CSMD2: variants seen among roughly 807,000 people sequenced by gnomAD.
The protein encoded by CSMD2 is CUB and sushi domain-containing protein 2.
CSMD2 carries 130 observed loss-of-function variants against 398.5 expected under a neutral mutation model. That is an observed-to-expected ratio of 0.33 (90% CI 0.28 to 0.38). The LOEUF is 0.38. CSMD2 is among the 10% of genes least tolerant of loss of function. The pLI is 1.00. For synonymous variants in CSMD2, 1,828 were observed against 1,908.5 expected, an observed-to-expected ratio of 0.96 and a Z score of 1.10; for missense variants, 3,829 against 4,764.9, an observed-to-expected ratio of 0.80 and a Z score of 5.78.
intron 1 of CSMD2, among the ~76,000 whole-genome samples, chr1:34,150,985 G>C (rs547742113): frequency 6.6e-6 from 1 of 152,150 alleles, no homozygotes; most frequent in Non-Finnish European, 1.5e-5. Flanking sequence ...CTGATAAAGG[G>C]GGGGCGGGGG....
chr1:33,998,898 T>C (rs1390298816), intron 3 of CSMD2, among the ~76,000 whole-genome samples: 1 of 152,206 alleles, frequency 6.6e-6, no homozygotes, highest in African/African-American at 2.4e-5. Context: ...AGTTGATGTG[T>C]GGATGCCCCC....
At chr1:34,084,733 G>C (rs1657659038) in intron 2 of CSMD2, among the ~76,000 whole-genome samples, 1 of 151,942 alleles carries the variant, frequency 6.6e-6, no homozygotes, top group Admixed American at 6.6e-5. Flanking sequence ...GGAAACAACA[G>C]GTGCTGGAGA....
chr1:33,678,294 A>C (rs2149053688), intron 25 of CSMD2, among the ~76,000 whole-genome samples: 1 of 122,050 alleles, frequency 8.2e-6, no homozygotes, highest in East Asian at 2.3e-4. Flanking sequence ...AGCCAAATAA[A>C]CCTCTTTTCT....
intron 13 of CSMD2, among the ~76,000 whole-genome samples, chr1:33,768,536 ATGTGTGTG>A (rs60273744): frequency 0.16 from 23,319 of 142,058 alleles, 2,104 homozygotes; most frequent in African/African-American, 0.26. Context: ...GTGTGCGTGC[ATGTGTGTG>A]TGTGTGTGTG....
At chr1:34,019,443 T>C (rs1648579421) in intron 3 of CSMD2, among the ~76,000 whole-genome samples, 1 of 152,206 alleles carries the variant, frequency 6.6e-6, no homozygotes. Context: ...GTGTAAGCAA[T>C]TGTGAAGGCT....
chr1:33,797,356 A>G (rs1027897886), intron 10 of CSMD2, among the ~76,000 whole-genome samples: 13 of 152,218 alleles, frequency 8.5e-5, no homozygotes, highest in African/African-American at 3.1e-4. Flanking sequence ...CAGCCAGCTG[A>G]CACTTATGGA....
intron 6 of CSMD2, among the ~76,000 whole-genome samples, chr1:33,831,479 C>T (rs1398755823): frequency 4.6e-5 from 7 of 151,932 alleles, no homozygotes; most frequent in South Asian, 4.2e-4. Context: ...TTTGTCACCA[C>T]CAGGCCTGCC....
At chr1:33,830,863 T>C (rs1570163522) in intron 6 of CSMD2, among the ~76,000 whole-genome samples, 1 of 152,002 alleles carries the variant, frequency 6.6e-6, no homozygotes, top group Admixed American at 6.5e-5. Context: ...ACGTGAAGAG[T>C]GCAGAAGCCT....
chr1:33,836,543 T>A (rs1187760691), intron 6 of CSMD2, among the ~76,000 whole-genome samples: 1 of 152,202 alleles, frequency 6.6e-6, no homozygotes, highest in East Asian at 1.9e-4. Context: ...TTTGTTTACC[T>A]ACTCAAGCCT....
At chr1:33,585,407 G>C (rs529764960) in intron 46 of CSMD2, among the ~76,000 whole-genome samples, 4 of 152,310 alleles carry the variant, frequency 2.6e-5, no homozygotes, top group Admixed American at 6.5e-5. Flanking sequence ...CGGGGGCTGG[G>C]CTCCTAGAGT....
intron 53 of CSMD2, among the ~76,000 whole-genome samples, chr1:33,560,585 C>A (rs1658451749): frequency 6.6e-6 from 1 of 152,236 alleles, no homozygotes; most frequent in Admixed American, 6.5e-5. Context: ...CTGCCCTCTT[C>A]TTCTCAGGTC....
chr1:33,997,399 T>C (rs1011670750), intron 3 of CSMD2, among the ~76,000 whole-genome samples: 3 of 152,242 alleles, frequency 2.0e-5, no homozygotes, highest in Non-Finnish European at 4.4e-5. Flanking sequence ...CTCCTCTTTC[T>C]GCATCTGGTC....
intron 22 of CSMD2, among the ~76,000 whole-genome samples, chr1:33,706,373 C>T (rs1461330653): frequency 6.6e-6 from 1 of 151,258 alleles, no homozygotes; most frequent in Admixed American, 6.6e-5. Flanking sequence ...CGTTCATTGC[C>T]TCCATTCCAT....
intron 25 of CSMD2, among the ~76,000 whole-genome samples, chr1:33,677,152 C>T (rs1158377886): frequency 5.9e-5 from 9 of 152,102 alleles, no homozygotes; most frequent in East Asian, 1.9e-4. Flanking sequence ...GCAAAAGAAA[C>T]GAACATCAGA....
At chr1:34,109,204 T>C (rs889554233) in intron 1 of CSMD2, among the ~76,000 whole-genome samples, 2 of 152,230 alleles carry the variant, frequency 1.3e-5, no homozygotes, top group Non-Finnish European at 2.9e-5. Flanking sequence ...TTCACTTTGC[T>C]TTCCCAATCT....
intron 3 of CSMD2, among the ~76,000 whole-genome samples, chr1:33,987,812 C>T (rs1047241505): frequency 1.2e-4 from 19 of 152,202 alleles, no homozygotes; most frequent in African/African-American, 4.6e-4. Flanking sequence ...AAATCAGTAG[C>T]ACCACCATGC....
At chr1:33,795,681 C>G (rs569092743) in intron 10 of CSMD2, among the ~76,000 whole-genome samples, 2 of 152,368 alleles carry the variant, frequency 1.3e-5, no homozygotes, top group African/African-American at 4.8e-5. Flanking sequence ...GCCCCTTCCT[C>G]TCGTCTGTTT....
intron 41 of CSMD2, chr1:33,605,782 T>C: frequency 1.8e-6 from 2 of 1,119,972 alleles, no homozygotes; most frequent in Non-Finnish European, 2.6e-6. Context: ...AAGACATTGC[T>C]CAATTGAACC....
chr1:33,689,090 A>AGGAGAGGG (rs1196784146), intron 25 of CSMD2, among the ~76,000 whole-genome samples: 1 of 141,018 alleles, frequency 7.1e-6, no homozygotes, highest in East Asian at 2.2e-4. Context: ...GAAGGAGAGG[A>AGGAGAGGG]GGAGAGGGAG....
Sources: gnomAD v4.1 joint callset for allele counts (sites outside exome capture counted in the v4.1 genomes callset) on GRCh38, gnomAD v4.1.1 for gene constraint, MANE v1.5 for transcripts, NCBI Gene and HGNC (gene_info 2026-07-23, HGNC 2026-07-21) for gene names.